PAPPA2: variants seen among roughly 807,000 people sequenced by gnomAD.
The protein encoded by PAPPA2 is pappalysin 2.
In PAPPA2, 86 loss-of-function variants were observed where a neutral mutation model predicts 176.4. The observed-to-expected ratio is 0.49, with a 90% CI of 0.41 to 0.58. The LOEUF is 0.58. Ranked by LOEUF, PAPPA2 falls within the 20% of genes least tolerant of loss-of-function variation. The pLI is 0.00. For missense variants in PAPPA2, 2,073 were observed against 2,256.9 expected (o/e 0.92, Z 1.65); for synonymous variants, 809 against 852.2 (o/e 0.95, Z 0.88).
chr1:176,763,139 A>G (rs1015983638), intron 14 of PAPPA2, among the ~76,000 whole-genome samples: 1 of 152,144 alleles, frequency 6.6e-6, no homozygotes, highest in Non-Finnish European at 1.5e-5. Context: ...CTACTTTCTT[A>G]TATTGTTGCC....
rs1426486849 is a variant in PAPPA2, at chr1:176,771,152, G to A, written c.4687G>A (p.Ala1563Thr). The change falls in exon 17 of 23, where the codon GCA (alanine) becomes ACA (threonine). Residue 1563 changes from alanine to threonine, a missense_variant. By Grantham distance (58) the Ala-to-Thr change is moderately conservative. Coordinates refer to ENST00000367662, the MANE Select transcript of PAPPA2 (RefSeq NM_020318.3). The part of the protein sequence containing the change: ...KYECKPGYYV[A>T]ESAEGKVRNK... The stretch of plus-strand genomic sequence containing the variant: ...TGAATGCAAACCAGGGTACTATGTG[G>A]CAGAAAGTGCAGAGGGTAAAGTCAG... The A allele has an allele frequency of 2.5e-6, 4 of 1,614,148 alleles. No individual in the cohort carries two copies. The highest frequency in any genetic ancestry group is 4.5e-5 in the East Asian group (2 of 44,872).
At chr1:176,708,882 C>T (rs1331009738) in intron 10 of PAPPA2, among the ~76,000 whole-genome samples, 3 of 151,958 alleles carry the variant, frequency 2.0e-5, no homozygotes, top group African/African-American at 7.3e-5. Flanking sequence ...TGAATATATA[C>T]CTAGGTGTTG....
At chr1:176,518,013 G>T (rs747328531) in intron 1 of PAPPA2, among the ~76,000 whole-genome samples, 4 of 152,128 alleles carry the variant, frequency 2.6e-5, no homozygotes, top group African/African-American at 9.7e-5. Context: ...CAAAGGGCTC[G>T]AATAGAACTT....
intron 4 of PAPPA2, among the ~76,000 whole-genome samples, chr1:176,688,677 T>C (rs952607241): frequency 1.3e-5 from 2 of 152,174 alleles, no homozygotes; most frequent in African/African-American, 4.8e-5. Context: ...CTTAGATGAG[T>C]CTGGGCATGG....
intron 2 of PAPPA2, among the ~76,000 whole-genome samples, chr1:176,573,447 A>G (rs950770466): frequency 1.3e-5 from 2 of 152,164 alleles, no homozygotes; most frequent in South Asian, 2.1e-4. Flanking sequence ...ATGGAATTCC[A>G]TAGTCACAGG....
intron 12 of PAPPA2, among the ~76,000 whole-genome samples, chr1:176,724,313 G>A (rs1358989338): frequency 6.6e-6 from 1 of 152,096 alleles, no homozygotes; most frequent in Admixed American, 6.5e-5. Flanking sequence ...AACTCTTGGT[G>A]TCATTGGGGG....
rs3737760 is a variant in PAPPA2 at position 176,765,630 on chromosome 1, A to G, written c.4152-36A>G. 5.6e-6 allele frequency: 9 copies of G among 1,597,672 alleles called. No homozygotes were observed. In the East Asian group the frequency reaches 2.0e-4, roughly 36 times the overall value. ...CATTGCTCCTCCTTACTGGTTCTCA[A>G]CCAGTCCTAAGATGGTTCTATTTCT... On this transcript the variant is annotated intron_variant, in intron 14 of 22. Transcript: ENST00000367662.
chr1:176,821,187 G>A (rs1666649718), intron 21 of PAPPA2, among the ~76,000 whole-genome samples: 1 of 152,062 alleles, frequency 6.6e-6, no homozygotes, highest in African/African-American at 2.4e-5. Context: ...TTACAAAAAT[G>A]AATCAGAAAT....
Position 176,635,824 on chromosome 1 carries a change from T to C in PAPPA2, c.1992-35146T>C, listed in dbSNP as rs1656667548. 2.0e-5 allele frequency among the ~76,000 whole-genome samples: 3 copies of C among 152,160 alleles called. 1 individual carries two copies. The highest frequency in any genetic ancestry group is 2.0e-4 in the Admixed American group (3 of 15,250). ...ACCACGGTAGGAGAATGAACATTTT[T>C]TTGTGTGGTACATAGTTTCATTATA... On this transcript the variant is annotated intron_variant, in intron 3 of 22. Coordinates refer to ENST00000367662, the MANE Select transcript of PAPPA2 (RefSeq NM_020318.3).
At chr1:176,819,511 A>T (rs1666568327) in intron 21 of PAPPA2, among the ~76,000 whole-genome samples, 1 of 152,196 alleles carries the variant, frequency 6.6e-6, no homozygotes, top group Non-Finnish European at 1.5e-5. Context: ...GTCATTTAAC[A>T]TTTAACTCTT....
rs1184299694 is a variant in PAPPA2 at position 176,556,364 on chromosome 1, G to T, written c.42G>T (p.Leu14Phe). 2.5e-6 allele frequency: 4 copies of T among 1,614,078 alleles called. No individual in the cohort carries two copies. Among genetic ancestry groups the T allele is most frequent in the Non-Finnish European group, 3.4e-6 (4 of 1,180,026 alleles). ...LKILRISLAI[L>F]AGWALCSANS... The stretch of plus-strand genomic sequence containing the variant: ...TCCTAAGAATAAGCCTGGCGATTTT[G>T]GCTGGGTGGGCACTCTGTTCTGCCA... Residue 14 changes from leucine to phenylalanine, a missense_variant, in exon 2 of 23, where the codon TTG (leucine) becomes TTT (phenylalanine). By Grantham distance (22) the Leu-to-Phe change is conservative. Around this residue, in one of 4 missense-constraint regions of PAPPA2, gnomAD observed 1,196 missense variants for 1,330.4 expected, o/e 0.90. Coordinates refer to ENST00000367662, the MANE Select transcript of PAPPA2 (RefSeq NM_020318.3).
chr1:176,512,643 G>A (rs1177939477), intron 1 of PAPPA2, among the ~76,000 whole-genome samples: 1 of 152,046 alleles, frequency 6.6e-6, no homozygotes, highest in East Asian at 1.9e-4. Context: ...AGCTTTTTAG[G>A]GTGATGAAAA....
intron 4 of PAPPA2, among the ~76,000 whole-genome samples, chr1:176,682,433 G>A (rs1659628215): frequency 6.6e-6 from 1 of 152,154 alleles, no homozygotes. Context: ...TGACAAGGTA[G>A]TAGCTTTTGT....
intron 12 of PAPPA2, among the ~76,000 whole-genome samples, chr1:176,722,146 C>A (rs1488047080): frequency 5.3e-5 from 8 of 152,044 alleles, no homozygotes; most frequent in Admixed American, 5.2e-4. Flanking sequence ...ATATTAATCA[C>A]AATCATTTTT....
intron 2 of PAPPA2, among the ~76,000 whole-genome samples, chr1:176,584,720 G>GTTTAA (rs59823028): frequency 0.64 from 97,385 of 151,232 alleles, 31,861 homozygotes; most frequent in East Asian, 0.93. Context: ...CAGTGATAAG[G>GTTTAA]TTTGTTTCTT....
chr1:176,574,992 C>T (rs1652564706), intron 2 of PAPPA2, among the ~76,000 whole-genome samples: 1 of 152,144 alleles, frequency 6.6e-6, no homozygotes, highest in African/African-American at 2.4e-5. Flanking sequence ...GATGTTCACA[C>T]AATGACAAAA....
At chr1:176,550,093 G>A (rs761488185) in intron 1 of PAPPA2, among the ~76,000 whole-genome samples, 3 of 152,288 alleles carry the variant, frequency 2.0e-5, no homozygotes, top group East Asian at 1.9e-4. Context: ...AAATGGAATC[G>A]CACAGTTTGC....
intron 2 of PAPPA2, among the ~76,000 whole-genome samples, chr1:176,575,769 G>C (rs946009745): frequency 6.6e-6 from 1 of 152,176 alleles, no homozygotes; most frequent in African/African-American, 2.4e-5. Context: ...TTATTCTAGA[G>C]ATGAGCAGAC....
chr1:176,486,264 A>G (rs1652641025), intron 1 of PAPPA2, among the ~76,000 whole-genome samples: 1 of 152,208 alleles, frequency 6.6e-6, no homozygotes, highest in African/African-American at 2.4e-5. Context: ...TTGGAGTGGC[A>G]TATCTCGATC....
Sources: gnomAD v4.1 joint callset for allele counts (sites outside exome capture counted in the v4.1 genomes callset) on GRCh38, gnomAD v4.1.1 for gene constraint, gnomAD v4.1.1 regional missense constraint, MANE v1.5 for transcripts, NCBI Gene and HGNC (gene_info 2026-07-23, HGNC 2026-07-21) for gene names.